The following TTC28 variants were observed in gnomAD, a reference collection of about 807,000 sequenced individuals.
The protein encoded by TTC28 is tetratricopeptide repeat protein 28.
Under a neutral mutation model 198.0 loss-of-function variants are expected in TTC28, and 61 were observed. That is an observed-to-expected ratio of 0.31 (90% CI 0.25 to 0.38). The LOEUF (loss-of-function observed/expected upper bound fraction) is 0.38, where lower values mean the gene tolerates loss of function less well. TTC28 is among the 10% of genes least tolerant of loss of function. TTC28 has a pLI of 1.00. For missense variants in TTC28, 2,678 were observed against 3,164.0 expected (o/e 0.85, Z 3.69); for synonymous variants, 1,171 against 1,297.8 (o/e 0.90, Z 2.10).
At chr22:28,645,413 G>A (rs2051444615) in intron 1 of TTC28, among the ~76,000 whole-genome samples, 1 of 151,910 alleles carries the variant, frequency 6.6e-6, no homozygotes, top group African/African-American at 2.4e-5. Context: ...GGGATCACAA[G>A]GTCAGGAGAT....
chr22:28,025,993 T>A (rs536002209), intron 13 of TTC28, among the ~76,000 whole-genome samples: 1 of 152,340 alleles, frequency 6.6e-6, no homozygotes, highest in Non-Finnish European at 1.5e-5. Context: ...CTCCAGTCAC[T>A]GCTCTCCACT....
At chr22:28,653,926 T>C (rs943485425) in intron 1 of TTC28, among the ~76,000 whole-genome samples, 12 of 152,236 alleles carry the variant, frequency 7.9e-5, no homozygotes, top group African/African-American at 2.9e-4. Flanking sequence ...AAGTCTTCTG[T>C]CTTCAGATAT....
At chr22:28,157,255 G>C (rs1943770073) in intron 6 of TTC28, among the ~76,000 whole-genome samples, 1 of 152,096 alleles carries the variant, frequency 6.6e-6, no homozygotes, top group Non-Finnish European at 1.5e-5. Flanking sequence ...GAACCATGAA[G>C]AAATCCAAAA....
At chr22:28,480,856 A>G (rs768845867) in intron 2 of TTC28, among the ~76,000 whole-genome samples, 6 of 152,188 alleles carry the variant, frequency 3.9e-5, no homozygotes, top group Non-Finnish European at 8.8e-5. Flanking sequence ...CTATTTTCAA[A>G]ATCATTAATT....
chr22:28,511,314 A>T (rs1435420314), intron 2 of TTC28, among the ~76,000 whole-genome samples: 1 of 152,236 alleles, frequency 6.6e-6, no homozygotes, highest in Non-Finnish European at 1.5e-5. Flanking sequence ...ACAGACACAT[A>T]GACCAATGGA....
chr22:28,053,130 G>A lies in TTC28; in HGVS notation c.3933-22764C>T, dbSNP rs1045291580. Reference sequence around the variant, plus strand: ...CAGCAAATGTATCGGCACGTTGGCCGTAAAGAAATGCAAAGAACGAAATGG... The same window carrying A: ...CAGCAAATGTATCGGCACGTTGGCCATAAAGAAATGCAAAGAACGAAATGG... On this transcript the variant is annotated intron_variant, in intron 12 of 22. Coordinates refer to ENST00000397906, the MANE Select transcript of TTC28 (RefSeq NM_001145418.2). 1.2e-4 allele frequency among the ~76,000 whole-genome samples: 18 copies of A among 152,228 alleles called. No individual in the cohort carries two copies. The East Asian group carries it at 1.9e-3, about 16-fold the overall frequency.
intron 2 of TTC28, among the ~76,000 whole-genome samples, chr22:28,586,497 A>G (rs1050291267): frequency 3.9e-5 from 6 of 152,288 alleles, no homozygotes; most frequent in East Asian, 3.9e-4. Context: ...CATCAAGTGA[A>G]TACAAATGTA....
intron 2 of TTC28, among the ~76,000 whole-genome samples, chr22:28,516,705 C>T (rs1204975117): frequency 3.3e-5 from 5 of 152,034 alleles, no homozygotes; most frequent in South Asian, 2.1e-4. Context: ...CACATGTATA[C>T]CTACGTATCA....
At chr22:28,622,548 G>A (rs2051016851) in intron 2 of TTC28, among the ~76,000 whole-genome samples, 1 of 151,566 alleles carries the variant, frequency 6.6e-6, no homozygotes, top group Admixed American at 6.6e-5. Flanking sequence ...ATATCAGAGG[G>A]ACAAAAACAG....
At chr22:28,013,458 G>A (rs137922206) in intron 14 of TTC28, among the ~76,000 whole-genome samples, 241 of 152,356 alleles carry the variant, frequency 1.6e-3, no homozygotes, top group African/African-American at 5.4e-3. Flanking sequence ...ACCAGGGCAG[G>A]TGAATACACA....
intron 2 of TTC28, among the ~76,000 whole-genome samples, chr22:28,331,965 T>C (rs989137429): frequency 4.6e-5 from 7 of 152,092 alleles, no homozygotes; most frequent in African/African-American, 1.7e-4. Context: ...GCATCAACTT[T>C]CTGAAACTAC....
At position 27,983,272 on chromosome 22, in the gene TTC28, T is replaced by C; in HGVS notation, c.6395A>G (p.Asp2132Gly). The change falls in exon 23 of 23, where the codon GAT becomes GGT. Residue 2132 changes from aspartate (D) to glycine (G), a missense_variant. By Grantham distance (94) the Asp-to-Gly change is moderately conservative (BLOSUM62 -1). Coordinates refer to ENST00000397906, the MANE Select transcript of TTC28 (RefSeq NM_001145418.2). ...FQKVGKLASS[D>G]TGESDQSSTE... ...GCTAGACTGGTCTGATTCTCCTGTATCTGAGCTTGCTAGTTTTCCCACCTT... is the reference window on the plus strand; with the variant it reads ...GCTAGACTGGTCTGATTCTCCTGTACCTGAGCTTGCTAGTTTTCCCACCTT... 1.9e-6 allele frequency: 3 copies of C among 1,552,044 alleles called. No homozygotes were observed. The highest frequency in any genetic ancestry group is 2.4e-5 in the South Asian group (2 of 84,056).
At chr22:28,631,310 G>A (rs548185886) in intron 1 of TTC28, among the ~76,000 whole-genome samples, 3 of 152,254 alleles carry the variant, frequency 2.0e-5, no homozygotes, top group African/African-American at 7.2e-5. Flanking sequence ...CAAATTTGGT[G>A]ACTATAATTT....
chr22:28,030,030 G>A (rs1005681480), intron 13 of TTC28, among the ~76,000 whole-genome samples, 196 bp downstream of exon 13: 1 of 152,240 alleles, frequency 6.6e-6, no homozygotes, highest in East Asian at 1.9e-4. Flanking sequence ...CTGTTTTCTC[G>A]CTTGAGCTGG....
intron 5 of TTC28, among the ~76,000 whole-genome samples, chr22:28,226,186 G>C (rs1051909277): frequency 6.6e-6 from 1 of 152,154 alleles, no homozygotes; most frequent in Non-Finnish European, 1.5e-5. Context: ...TCATATGGTA[G>C]GTATGTGTTT....
At chr22:28,350,763 T>C (rs1171295419) in intron 2 of TTC28, among the ~76,000 whole-genome samples, 1 of 152,180 alleles carries the variant, frequency 6.6e-6, no homozygotes, top group Non-Finnish European at 1.5e-5. Flanking sequence ...GAAAATAACC[T>C]AAGAGATATT....
chr22:28,097,417 C>G (rs1942010142), intron 10 of TTC28, among the ~76,000 whole-genome samples: 1 of 152,128 alleles, frequency 6.6e-6, no homozygotes, highest in African/African-American at 2.4e-5. Context: ...TTCCTTATCC[C>G]CATGGGAAAA....
At chr22:28,396,338 C>T (rs762030854) in intron 2 of TTC28, among the ~76,000 whole-genome samples, 9 of 152,196 alleles carry the variant, frequency 5.9e-5, no homozygotes, top group Non-Finnish European at 1.2e-4. Flanking sequence ...CCCAATCTGA[C>T]AACTGGTAGT....
rs560123905 is a variant in TTC28, at chr22:28,391,549, T to C, written c.382-84906A>G. On this transcript the variant is annotated intron_variant, in intron 2 of 22. Coordinates refer to ENST00000397906, the MANE Select transcript of TTC28 (RefSeq NM_001145418.2). ...GGAGGTTTTGCTCGTTTCTTTTTAT[T>C]CTTTTTTCTCTAAACTTCCCTTCTT... 5.9e-5 allele frequency among the ~76,000 whole-genome samples: 9 copies of C among 152,334 alleles called. No homozygotes were observed. The East Asian group carries it at 1.7e-3, about 29-fold the overall frequency.
Sources: allele counts gnomAD v4.1 joint callset (sites outside exome capture counted in the v4.1 genomes callset), GRCh38; gene constraint gnomAD v4.1.1; transcripts MANE v1.5; gene names NCBI Gene and HGNC (gene_info 2026-07-23, HGNC 2026-07-21).